The following SYNE2 variants were observed in gnomAD, a reference collection of about 807,000 sequenced individuals.
The protein encoded by SYNE2 is spectrin repeat containing nuclear envelope protein 2, also known as nesprin-2.
In SYNE2, 431 loss-of-function variants were observed where a neutral mutation model predicts 856.3. The observed-to-expected ratio is 0.50, with a 90% CI of 0.47 to 0.55. SYNE2 has a LOEUF of 0.55. SYNE2 is among the 20% of genes least tolerant of loss of function. The pLI, the probability that SYNE2 is intolerant of heterozygous loss-of-function variation, is 0.00. For missense variants in SYNE2, 8,129 were observed against 8,023.2 expected (o/e 1.01, Z -0.50); for synonymous variants, 2,923 against 2,872.3 (o/e 1.02, Z -0.56).
chr14:64,141,254 T>C lies in SYNE2; in HGVS notation c.14977-87T>C, dbSNP rs2098137288. ...TACACATTCGTATATTTACTATGTTTATTTGTTGACTCTAGCCAGTTATTC... is the reference window on the plus strand; with the variant it reads ...TACACATTCGTATATTTACTATGTTCATTTGTTGACTCTAGCCAGTTATTC... On this transcript the variant is annotated intron_variant, in intron 80 of 115. Transcript: ENST00000555002. 6 of 1,073,554 alleles carry C rather than the reference T, an allele frequency of 5.6e-6. No individual in the cohort carries two copies. The East Asian group carries it at 1.3e-4, about 23-fold the overall frequency. 66.5% of individuals were successfully genotyped at this position (1,073,554 alleles called of 1,614,324 possible). A position where few individuals can be genotyped will look rare whatever the true frequency, so the allele number is the denominator to read the frequency against.
chr14:63,931,540 ACT>A (rs1176742622), intron 2 of SYNE2, among the ~76,000 whole-genome samples: 5 of 146,864 alleles, frequency 3.4e-5, no homozygotes, highest in South Asian at 2.2e-4. Context: ...ACAAAGCGAG[ACT>A]CTGTCTCAAA....
chr14:64,139,473 G>A (rs983832095), intron 79 of SYNE2, among the ~76,000 whole-genome samples: 1 of 151,666 alleles, frequency 6.6e-6, no homozygotes, highest in Non-Finnish European at 1.5e-5. Context: ...GTACAGTGGC[G>A]CAATCTCGGC....
In SYNE2 at chr14:64,053,004, C is replaced by G. The variant is rs1199558080; in HGVS notation, c.9091C>G (p.Leu3031Val). ...QTQVFEKEKE[L>V]EEKIKQLDTF... The stretch of plus-strand genomic sequence containing the variant: ...CCAAGTATTTGAAAAAGAAAAGGAA[C>G]TTGAAGAAAAAATTAAGCAGTTGGA... Residue 3031 changes from leucine to valine, a missense_variant, in exon 48 of 116, where the codon CTT becomes GTT. Physicochemically the swap from Leu to Val is conservative, Grantham distance 32. Around this residue, in one of 3 missense-constraint regions of SYNE2, gnomAD observed 5,410 missense variants for 5,284.8 expected, o/e 1.02. Transcript: ENST00000555002. 6.2e-7 allele frequency: 1 copy of G among 1,611,552 alleles called. No individual in the cohort carries two copies. The highest frequency in any genetic ancestry group is 2.2e-5 in the East Asian group (1 of 44,858).
At chr14:64,200,746 C>G (rs1028677427) in intron 99 of SYNE2, among the ~76,000 whole-genome samples, 1 of 151,834 alleles carries the variant, frequency 6.6e-6, no homozygotes, top group Admixed American at 6.6e-5. Context: ...CATTTATCTC[C>G]GAGGCATTCT....
chr14:64,086,701 T>C (rs2097564314), intron 57 of SYNE2, among the ~76,000 whole-genome samples: 1 of 93,180 alleles, frequency 1.1e-5, no homozygotes, highest in Non-Finnish European at 2.1e-5. Context: ...AGTATGCAGG[T>C]CTTTTTTTTT....
At chr14:63,773,738 T>C (rs1283792239) in intron 1 of SYNE2, among the ~76,000 whole-genome samples, 1 of 152,064 alleles carries the variant, frequency 6.6e-6, no homozygotes, top group African/African-American at 2.4e-5. Flanking sequence ...AAAGAAGCTA[T>C]GTTTAATATG....
Position 64,125,206 on chromosome 14 carries a change from C to CA in SYNE2, c.13551dup (p.Gln4518ThrfsTer14). ...CGCCAAGAAGCAAGTAACCTTCAGACACAGGTAGAAGCTGCACACAATGTG... is the reference window on the plus strand; with the variant it reads ...CGCCAAGAAGCAAGTAACCTTCAGACAACAGGTAGAAGCTGCACACAATGTG... On this transcript the variant is annotated frameshift_variant, in exon 71 of 116. Coordinates refer to ENST00000555002, the MANE Select transcript of SYNE2 (RefSeq NM_182914.3). LOFTEE classifies it high-confidence loss of function. The CA allele has an allele frequency of 1.9e-6, 3 of 1,614,092 alleles. No individual in the cohort carries two copies. Among genetic ancestry groups the CA allele is most frequent in the Non-Finnish European group, 2.5e-6 (3 of 1,179,986 alleles).
At chr14:64,078,677 C>T (rs900256690) in intron 55 of SYNE2, 71 bp downstream of exon 55, 17 of 1,568,142 alleles carry the variant, frequency 1.1e-5, no homozygotes, top group Non-Finnish European at 1.4e-5. Flanking sequence ...CATCAGTCAC[C>T]ACAGGGTGAG....
intron 94 of SYNE2, among the ~76,000 whole-genome samples, chr14:64,174,680 G>A (rs1222485206): frequency 1.3e-5 from 2 of 151,910 alleles, no homozygotes; most frequent in African/African-American, 2.4e-5. Context: ...ATTTCTCTGT[G>A]CTGCTAATCA....
intron 99 of SYNE2, among the ~76,000 whole-genome samples, chr14:64,195,681 G>A (rs2098537820): frequency 6.6e-6 from 1 of 152,208 alleles, no homozygotes; most frequent in Non-Finnish European, 1.5e-5. Context: ...TCCATGCCTT[G>A]CAGAATGGGC....
At position 64,132,351 on chromosome 14, in the gene SYNE2, G is replaced by A; in HGVS notation, c.14427G>A (p.Glu4809=). 1 of 1,614,098 alleles carries A rather than the reference G, an allele frequency of 6.2e-7. No individual in the cohort carries two copies. Among genetic ancestry groups the A allele is most frequent in the Admixed American group, 1.7e-5 (1 of 60,018 alleles). The change falls in exon 77 of 116, where the codon GAG becomes GAA. Residue 4809 remains glutamate (E), a synonymous_variant. Coordinates refer to ENST00000555002, the MANE Select transcript of SYNE2 (RefSeq NM_182914.3). The part of the protein sequence containing the change: ...KILPSLLQNR[E]TFWAEQVTEV... ...TTCCTTCTTTATTGCAAAACAGAGA[G>A]ACATTTTGGGCAGAACAAGTAACAG... is the stretch of plus-strand genomic sequence containing the variant.
At chr14:64,220,171 C>G (rs963144456) in intron 110 of SYNE2, among the ~76,000 whole-genome samples, 3 of 152,204 alleles carry the variant, frequency 2.0e-5, no homozygotes, top group Non-Finnish European at 4.4e-5. Context: ...AAACATTAAG[C>G]CAGTTGCAGA....
At chr14:64,133,936 C>T (rs2098055259) in intron 77 of SYNE2, 133 bp from the exon 78 acceptor site, 3 of 1,074,926 alleles carry the variant, frequency 2.8e-6, no homozygotes, top group African/African-American at 1.6e-5. Context: ...TTACGTCTCT[C>T]GAACACACCT....
At chr14:64,209,765 T>C in intron 102 of SYNE2, 177 bp from the exon 103 acceptor site, 2 of 1,118,102 alleles carry the variant, frequency 1.8e-6, no homozygotes, top group Admixed American at 2.0e-5. Flanking sequence ...CCAGCTGCTA[T>C]GTAATGAACT....
At chr14:63,959,891 C>G (rs1281421673) in intron 8 of SYNE2, among the ~76,000 whole-genome samples, 2 of 151,988 alleles carry the variant, frequency 1.3e-5, no homozygotes, top group Non-Finnish European at 2.9e-5. Context: ...AACCAGGCAA[C>G]TAATGAAATA....
At chr14:64,098,606 C>A in intron 62 of SYNE2, 141 bp from the exon 63 acceptor site, 2 of 821,002 alleles carry the variant, frequency 2.4e-6, no homozygotes, top group South Asian at 1.5e-5. Flanking sequence ...CTGAACGGAC[C>A]AGGAGACAGG....
At chr14:64,166,505 A>G (rs2098380109) in intron 90 of SYNE2, among the ~76,000 whole-genome samples, 1 of 152,230 alleles carries the variant, frequency 6.6e-6, no homozygotes, top group Admixed American at 6.5e-5. Context: ...GTCATGTTCT[A>G]TCAAAATATG....
At position 63,815,203 on chromosome 14, in the gene SYNE2, TCC is replaced by T. The variant is rs1307514128; in HGVS notation, c.-304-37297_-304-37296del. Among the ~76,000 whole-genome samples the T allele has an allele frequency of 1.8e-3, 93 of 52,236 alleles. 6 individuals are homozygous for T. Among genetic ancestry groups the T allele is most frequent in the Admixed American group, 0.012 (46 of 3,996 alleles). 34.3% of individuals were successfully genotyped at this position (52,236 alleles called of 152,430 possible). On this transcript the variant is annotated intron_variant, in intron 1 of 23. Transcript: ENST00000674003. Reference sequence around the variant, plus strand: ...ATCCATATATATATCCATATATATATCCATATATATATCCATATATATATCCA... The same window carrying T: ...ATCCATATATATATCCATATATATATATATATATATCCATATATATATCCA...
chr14:64,215,310 A>G lies in SYNE2; in HGVS notation c.19358A>G (p.Glu6453Gly). ...LSDVEIPENP[E>G]AYLKMTTKTL... The stretch of plus-strand genomic sequence containing the variant: ...GATGTAGAAATCCCTGAAAATCCTG[A>G]GGCATATCTTAAAATGACCACAAAA... The change falls in exon 107 of 116, where the codon GAG (glutamate) becomes GGG (glycine). Residue 6453 changes from glutamate (E) to glycine (G), a missense_variant. This residue lies in a region of SYNE2 where 5,410 missense variants were observed against 5,284.8 expected (regional missense o/e 1.02). Transcript: ENST00000555002. 6.2e-7 allele frequency: 1 copy of G among 1,614,194 alleles called. No homozygotes were observed. The highest frequency in any genetic ancestry group is 8.5e-7 in the Non-Finnish European group (1 of 1,180,034).
Sources: gnomAD v4.1 joint callset for allele counts (sites outside exome capture counted in the v4.1 genomes callset) on GRCh38, gnomAD v4.1.1 for gene constraint, gnomAD v4.1.1 regional missense constraint, MANE v1.5 for transcripts, NCBI Gene and HGNC (gene_info 2026-07-23, HGNC 2026-07-21) for gene names.